The following TBC1D32 variants were observed in gnomAD, a reference collection of about 807,000 sequenced individuals.
The protein encoded by TBC1D32 is TBC1 domain family member 32, also known as protein broad-minded.
In TBC1D32, 151 loss-of-function variants were observed where a neutral mutation model predicts 170.3. The observed-to-expected ratio is 0.89, with a 90% CI of 0.78 to 1.01. The LOEUF is 1.01. Among genes scored for constraint, TBC1D32 ranks in the 50% least tolerant of loss-of-function variants. The pLI, the probability that TBC1D32 is intolerant of heterozygous loss-of-function variation, is 0.00. For missense variants in TBC1D32, 1,464 were observed against 1,457.1 expected (o/e 1.00, Z -0.08); for synonymous variants, 498 against 488.0 (o/e 1.02, Z -0.27).
Position 121,330,115 on chromosome 6 carries a change from C to T in TBC1D32, c.155+4161G>A, listed in dbSNP as rs1057373698. Among the ~76,000 whole-genome samples, 2 of 152,054 alleles carry T rather than the reference C, an allele frequency of 1.3e-5. 1 individual carries two copies. The highest frequency in any genetic ancestry group is 1.3e-4 in the Admixed American group (2 of 15,256). On this transcript the variant is annotated intron_variant, in intron 1 of 31. Coordinates refer to ENST00000398212, the MANE Select transcript of TBC1D32 (RefSeq NM_152730.6). ...GCTCTGTTACCTAGGCTCACTGCAG[C>T]CTTGACATTCTGGGCACAAGAGATC... is the stretch of plus-strand genomic sequence containing the variant.
intron 16 of TBC1D32, among the ~76,000 whole-genome samples, chr6:121,255,643 T>C (rs1482934814): frequency 1.3e-5 from 2 of 151,954 alleles, no homozygotes; most frequent in Admixed American, 6.6e-5. Context: ...TAATGAAATA[T>C]CATATAACAT....
At chr6:121,250,839 A>C (rs1489291110) in intron 17 of TBC1D32, among the ~76,000 whole-genome samples, 3 of 152,122 alleles carry the variant, frequency 2.0e-5, no homozygotes, top group Admixed American at 6.5e-5. Flanking sequence ...AAACTCCATC[A>C]CCTCAGCCCA....
chr6:121,124,833 T>G lies in TBC1D32; in HGVS notation c.2983+1545A>C, dbSNP rs1008490148. On this transcript the variant is annotated intron_variant, in intron 26 of 31. Coordinates refer to ENST00000398212, the MANE Select transcript of TBC1D32 (RefSeq NM_152730.6). ...TGCTCTTTATTACATTTTTTCATTT[T>G]CCTTTCAATCATTGTATTTTTCAGT... is the stretch of plus-strand genomic sequence containing the variant. Among the ~76,000 whole-genome samples the G allele has an allele frequency of 2.5e-4, 38 of 152,166 alleles. 1 individual carries two copies. The highest frequency in any genetic ancestry group is 7.9e-4 in the Admixed American group (12 of 15,274).
At chr6:121,096,090 A>G (rs1449128379) in intron 30 of TBC1D32, 4 of 152,068 alleles carry the variant, frequency 2.6e-5, no homozygotes, top group East Asian at 1.9e-4. Context: ...TAGGGTATTA[A>G]TTACTGCCAT....
intron 22 of TBC1D32, among the ~76,000 whole-genome samples, chr6:121,162,584 A>G (rs1286225999): frequency 6.6e-6 from 1 of 152,190 alleles, no homozygotes; most frequent in Non-Finnish European, 1.5e-5. Flanking sequence ...AATCAAGTGC[A>G]TTCAAACAGA....
intron 22 of TBC1D32, among the ~76,000 whole-genome samples, chr6:121,181,901 C>G (rs1386428249): frequency 2.0e-5 from 3 of 152,014 alleles, no homozygotes; most frequent in Non-Finnish European, 2.9e-5. Context: ...TGTTCTTACT[C>G]ACATGTGGGA....
intron 19 of TBC1D32, among the ~76,000 whole-genome samples, chr6:121,240,357 ATTTTTTT>A (rs35946120): frequency 0.046 from 3,451 of 75,348 alleles, 107 homozygotes; most frequent in Middle Eastern, 0.09. Context: ...GTTTAGGACA[ATTTTTTT>A]TTTTTTTTTT....
chr6:121,222,826 G>A (rs183059724), intron 21 of TBC1D32, among the ~76,000 whole-genome samples: 1 of 152,218 alleles, frequency 6.6e-6, no homozygotes, highest in African/African-American at 2.4e-5. Context: ...CCCTCATGGG[G>A]CAATAATATG....
In TBC1D32 at chr6:121,161,653, C is replaced by A. The variant is rs1011437784; in HGVS notation, c.2571-597G>T. Among the ~76,000 whole-genome samples the A allele has an allele frequency of 3.3e-5, 5 of 152,022 alleles. No individual in the cohort carries two copies. The East Asian group carries it at 9.6e-4, about 29-fold the overall frequency. ...TAGTGCTGCAATGAACATAAGTGTG[C>A]CTGTATTTGTCTAATAGAAGGATTT... On this transcript the variant is annotated intron_variant, in intron 22 of 31. Transcript: ENST00000398212.
At chr6:121,241,355 G>C (rs186963398) in intron 19 of TBC1D32, 110 bp downstream of exon 19, 2 of 923,928 alleles carry the variant, frequency 2.2e-6, no homozygotes, top group African/African-American at 3.4e-5. Context: ...TTAGTAAAAA[G>C]AATTTTAGAG....
At position 121,199,687 on chromosome 6, in the gene TBC1D32, G is replaced by A. The variant is rs531325347; in HGVS notation, c.2570+5388C>T. 6.4e-4 allele frequency among the ~76,000 whole-genome samples: 96 copies of A among 151,078 alleles called. 5 individuals carry two copies. Among genetic ancestry groups the A allele is most frequent in the African/African-American group, 2.2e-3 (89 of 40,654 alleles). ...TAAAATCTAAAATATGGATGGTTTT[G>A]TCATCATGTTATATTCTAATTTCTG... On this transcript the variant is annotated intron_variant, in intron 22 of 31. Transcript: ENST00000398212.
chr6:121,168,647 G>T (rs1313890961), intron 22 of TBC1D32, among the ~76,000 whole-genome samples: 8 of 121,500 alleles, frequency 6.6e-5, no homozygotes, highest in Non-Finnish European at 1.2e-4. Context: ...CACCAGCATG[G>T]CACATGTATA....
intron 10 of TBC1D32, among the ~76,000 whole-genome samples, chr6:121,297,478 A>T (rs1447374126): frequency 7.9e-5 from 12 of 152,088 alleles, no homozygotes; most frequent in Admixed American, 7.9e-4. Context: ...ACCATTTCAG[A>T]AACCATTCCT....
At chr6:121,303,568 T>C (rs771776702) in intron 9 of TBC1D32, 49 bp downstream of exon 9, 4 of 1,346,444 alleles carry the variant, frequency 3.0e-6, no homozygotes, top group South Asian at 4.1e-5. Context: ...TTTATTAAAA[T>C]GATATAGCAA....
In TBC1D32 at chr6:121,082,870, C is replaced by T. The variant is rs563296163; in HGVS notation, c.3655-1980G>A. On this transcript the variant is annotated intron_variant, in intron 31 of 31. Coordinates refer to ENST00000398212, the MANE Select transcript of TBC1D32 (RefSeq NM_152730.6). The stretch of plus-strand genomic sequence containing the variant: ...TAAAAATGACACATAAGGCTATTAA[C>T]GTCTTATTTCATAAGAGAAAAATTT... Among the ~76,000 whole-genome samples the T allele has an allele frequency of 6.2e-4, 94 of 151,922 alleles. 1 individual carries two copies. The highest frequency in any genetic ancestry group is 3.4e-3 in the Middle Eastern group (1 of 294).
intron 24 of TBC1D32, among the ~76,000 whole-genome samples, chr6:121,142,518 T>C (rs1384513659): frequency 6.6e-6 from 1 of 152,234 alleles, no homozygotes; most frequent in Non-Finnish European, 1.5e-5. Context: ...ATGCTGATTA[T>C]TTTATAGGTC....
chr6:121,319,723 T>C (rs1159913257), intron 2 of TBC1D32, among the ~76,000 whole-genome samples: 2 of 152,180 alleles, frequency 1.3e-5, no homozygotes, highest in African/African-American at 4.8e-5. Flanking sequence ...CAGCATAAAT[T>C]GTGCTGTACG....
At chr6:121,110,454 A>G (rs1172497333) in intron 29 of TBC1D32, among the ~76,000 whole-genome samples, 1 of 151,944 alleles carries the variant, frequency 6.6e-6, no homozygotes. Context: ...AAGGTAAAAA[A>G]ATAGGACAGG....
intron 22 of TBC1D32, among the ~76,000 whole-genome samples, chr6:121,178,620 T>C (rs1369602164): frequency 6.6e-6 from 1 of 152,168 alleles, no homozygotes; most frequent in African/African-American, 2.4e-5. Flanking sequence ...CTCATGTTCT[T>C]GTGTGATCCC....
Sources: gnomAD v4.1 joint callset for allele counts (sites outside exome capture counted in the v4.1 genomes callset) on GRCh38, gnomAD v4.1.1 for gene constraint, MANE v1.5 for transcripts, NCBI Gene and HGNC (gene_info 2026-07-23, HGNC 2026-07-21) for gene names.